RHBDL3: variants seen among roughly 807,000 people sequenced by gnomAD.
RHBDL3 encodes the protein rhomboid-related protein 3.
A neutral mutation model predicts 48.2 loss-of-function variants in RHBDL3; 28 were observed. The ratio of observed to expected loss-of-function variants is 0.58; its 90% CI spans 0.43 to 0.80. The LOEUF (loss-of-function observed/expected upper bound fraction) is 0.80, where lower values mean the gene tolerates loss of function less well. Ranked by LOEUF, RHBDL3 falls within the 30% of genes least tolerant of loss-of-function variation. RHBDL3 has a pLI of 0.00. For synonymous variants in RHBDL3, 208 were observed against 232.3 expected (o/e 0.90, Z 0.95); for missense variants, 464 against 542.7 (o/e 0.85, Z 1.44).
At chr17:32,295,222 G>T (rs894401173) in intron 5 of RHBDL3, among the ~76,000 whole-genome samples, 4 of 152,198 alleles carry the variant, frequency 2.6e-5, no homozygotes, top group Admixed American at 1.3e-4. Flanking sequence ...CCCCAATGAC[G>T]CCATAATTCC....
intron 7 of RHBDL3, among the ~76,000 whole-genome samples, chr17:32,306,100 T>G (rs1011710463): frequency 3.3e-5 from 5 of 152,152 alleles, no homozygotes; most frequent in African/African-American, 1.2e-4. Context: ...AAATGAGGGC[T>G]TAAACCCGTA....
At chr17:32,310,397 C>T (rs918678390) in intron 7 of RHBDL3, among the ~76,000 whole-genome samples, 2 of 151,508 alleles carry the variant, frequency 1.3e-5, no homozygotes, top group Admixed American at 6.6e-5. Context: ...CTGGCTAATA[C>T]GTGAAACCCC....
intron 6 of RHBDL3, 37 bp downstream of exon 6, chr17:32,298,241 G>GC: frequency 7.1e-7 from 1 of 1,413,642 alleles, no homozygotes; most frequent in Non-Finnish European, 1.0e-6. Flanking sequence ...AAGGCACACT[G>GC]CCCCAGGGTG....
chr17:32,324,273 T>C lies in RHBDL3; in HGVS notation c.*3044T>C, dbSNP rs1460805859. The C allele has an allele frequency of 6.6e-6, 1 of 152,660 alleles. No homozygotes were observed. Among genetic ancestry groups the C allele is most frequent in the East Asian group, 1.9e-4 (1 of 5,198 alleles). The allele number at this position is 152,660 out of a possible 1,614,324, so 9.5% of individuals were successfully genotyped here. A position where few individuals can be genotyped will look rare whatever the true frequency, so the allele number is the denominator to read the frequency against. ...GGAAAAGCTCCCTAATGAGGCTCTT[T>C]TGCCAGCTAATAGGACTCTCGATTT... On this transcript the variant is annotated 3_prime_UTR_variant, in exon 9 of 9. Coordinates refer to ENST00000269051, the MANE Select transcript of RHBDL3 (RefSeq NM_138328.3).
At chr17:32,298,273 G>C in intron 6 of RHBDL3, 69 bp downstream of exon 6, 2 of 1,009,694 alleles carry the variant, frequency 2.0e-6, no homozygotes, top group Non-Finnish European at 3.1e-6. Context: ...CCTGTGGGGC[G>C]GGGCAAGCCC....
At chr17:32,317,972 G>A (rs2041015730) in intron 8 of RHBDL3, among the ~76,000 whole-genome samples, 1 of 151,890 alleles carries the variant, frequency 6.6e-6, no homozygotes, top group Non-Finnish European at 1.5e-5. Context: ...ACTTTGGGAG[G>A]CCAAGGTGGG....
At chr17:32,296,352 T>TTTTTTG (rs940121432) in intron 5 of RHBDL3, among the ~76,000 whole-genome samples, 7 of 143,956 alleles carry the variant, frequency 4.9e-5, no homozygotes, top group Admixed American at 1.4e-4. Context: ...TTTTTTTTTT[T>TTTTTTG]TGAGATGGAG....
At chr17:32,284,507 C>A in intron 2 of RHBDL3, 152 bp from the exon 3 acceptor site, 1 of 660,418 alleles carries the variant, frequency 1.5e-6, no homozygotes, top group Non-Finnish European at 2.6e-6. Context: ...AGATGTTTCC[C>A]AGGGGGGTCC....
Position 32,277,110 on chromosome 17 carries a change from C to T in RHBDL3, c.136-7549C>T, listed in dbSNP as rs895378173. 2.6e-5 allele frequency among the ~76,000 whole-genome samples: 4 copies of T among 152,216 alleles called. No homozygotes were observed. The East Asian group carries it at 5.8e-4, about 22-fold the overall frequency. On this transcript the variant is annotated intron_variant, in intron 2 of 8. Coordinates refer to ENST00000269051, the MANE Select transcript of RHBDL3 (RefSeq NM_138328.3). Reference sequence around the variant, plus strand: ...ACCTGCTCTAGATCCCAGGTCTCCACCTTCCTGACTCAAGAGGTCTTTACC... The same window carrying T: ...ACCTGCTCTAGATCCCAGGTCTCCATCTTCCTGACTCAAGAGGTCTTTACC...
In RHBDL3 at chr17:32,305,392, C is replaced by T; in HGVS notation, c.833C>T (p.Ser278Phe). 1 of 1,613,932 alleles carries T rather than the reference C, an allele frequency of 6.2e-7. No individual in the cohort carries two copies. Among genetic ancestry groups the T allele is most frequent in the Non-Finnish European group, 8.5e-7 (1 of 1,179,834 alleles). ...ADMTAPVVGS[S>F]GGVYALVSAH... ...ATGACCGCTCCAGTCGTGGGCTCTT[C>T]TGGAGGGGTGTATGCTCTCGTCTCT... The change falls in exon 7 of 9, where the codon TCT becomes TTT. Residue 278 changes from serine (S) to phenylalanine (F), a missense_variant. Ser to Phe is a radical substitution (Grantham distance 155, BLOSUM62 -2). Transcript: ENST00000269051.
chr17:32,269,691 G>C (rs994956512), intron 2 of RHBDL3, among the ~76,000 whole-genome samples: 1 of 152,220 alleles, frequency 6.6e-6, no homozygotes, highest in African/African-American at 2.4e-5. Context: ...CCACCAAGCT[G>C]CCAGCCCTTC....
intron 2 of RHBDL3, among the ~76,000 whole-genome samples, chr17:32,283,540 G>A (rs181316745): frequency 6.6e-4 from 100 of 151,736 alleles, no homozygotes; most frequent in South Asian, 2.3e-3. Context: ...AGCCAGGATG[G>A]TCTCCATCTC....
rs778855690 is a variant in RHBDL3, at chr17:32,316,181, G to A, written c.883-51G>A. On this transcript the variant is annotated intron_variant, in intron 7 of 8. Coordinates refer to ENST00000269051, the MANE Select transcript of RHBDL3 (RefSeq NM_138328.3). ...CAGGTTTTCTTAAGCAAGACACACC[G>A]GCAGAAGAGTGGTCTAATCTGGAAC... 37 of 1,310,502 alleles carry A rather than the reference G, an allele frequency of 2.8e-5. No individual in the cohort carries two copies. The South Asian group carries it at 2.9e-4, about 10-fold the overall frequency. 81.2% of individuals were successfully genotyped at this position (1,310,502 alleles called of 1,614,324 possible).
intron 7 of RHBDL3, among the ~76,000 whole-genome samples, chr17:32,311,911 C>G (rs540176143): frequency 6.6e-6 from 1 of 152,314 alleles, no homozygotes; most frequent in African/African-American, 2.4e-5. Context: ...GTTGTTATCT[C>G]AAATTCACAA....
Position 32,322,920 on chromosome 17 carries a change from C to T in RHBDL3, c.*1691C>T, listed in dbSNP as rs1414505697. 1 of 152,486 alleles carries T rather than the reference C, an allele frequency of 6.6e-6. No individual in the cohort carries two copies. The highest frequency in any genetic ancestry group is 2.4e-5 in the African/African-American group (1 of 41,442). 9.4% of individuals were successfully genotyped at this position (152,486 alleles called of 1,614,324 possible). A position where few individuals can be genotyped will look rare whatever the true frequency, so the allele number is the denominator to read the frequency against. ...GAGGAGGCAGGGGGGCTGGGCGTGT[C>T]CAGAAACAGGGGCAGGAGTGTGGGA... On this transcript the variant is annotated 3_prime_UTR_variant, in exon 9 of 9. Coordinates refer to ENST00000269051, the MANE Select transcript of RHBDL3 (RefSeq NM_138328.3).
At chr17:32,300,006 A>G (rs1451339351) in intron 6 of RHBDL3, among the ~76,000 whole-genome samples, 1 of 152,186 alleles carries the variant, frequency 6.6e-6, no homozygotes, top group Non-Finnish European at 1.5e-5. Context: ...GGCACTTATC[A>G]GTGCCTACCA....
chr17:32,299,771 C>T (rs1291842872), intron 6 of RHBDL3, among the ~76,000 whole-genome samples: 1 of 152,208 alleles, frequency 6.6e-6, no homozygotes, highest in Non-Finnish European at 1.5e-5. Context: ...CAGAGCTCAT[C>T]ACCTGAATGT....
intron 7 of RHBDL3, among the ~76,000 whole-genome samples, chr17:32,307,263 A>G (rs1346578983): frequency 2.0e-5 from 3 of 152,134 alleles, no homozygotes; most frequent in African/African-American, 7.2e-5. Flanking sequence ...GGTGCCCACT[A>G]GATTTTAGTG....
chr17:32,288,925 C>T lies in RHBDL3; in HGVS notation c.428C>T (p.Thr143Ile). 6.2e-7 allele frequency: 1 copy of T among 1,614,244 alleles called. No individual in the cohort carries two copies. The highest frequency in any genetic ancestry group is 1.1e-5 in the South Asian group (1 of 91,090). The change falls in exon 4 of 9, where the codon ACC becomes ATC. Residue 143 changes from threonine (T) to isoleucine (I), a missense_variant. Physicochemically the swap from Thr to Ile is moderately conservative, Grantham distance 89 (BLOSUM62 -1). Transcript: ENST00000269051. Reference sequence around the variant, plus strand: ...CTTATCCGCCATGTGGCCTATGAGACCCTGCCCCGGGAAATTGACCGCAAG... The same window carrying T: ...CTTATCCGCCATGTGGCCTATGAGATCCTGCCCCGGGAAATTGACCGCAAG... Reference protein sequence around the residue: ...QRLIRHVAYETLPREIDRKWY... With the variant: ...QRLIRHVAYEILPREIDRKWY...
Sources: gnomAD v4.1 joint callset for allele counts (sites outside exome capture counted in the v4.1 genomes callset) on GRCh38, gnomAD v4.1.1 for gene constraint, MANE v1.5 for transcripts, NCBI Gene and HGNC (gene_info 2026-07-23, HGNC 2026-07-21) for gene names.